The following PDE4D variants were observed in gnomAD, a reference collection of about 807,000 sequenced individuals.
PDE4D encodes the protein phosphodiesterase 4D, also known as 3',5'-cyclic-AMP phosphodiesterase 4D.
PDE4D carries 24 observed loss-of-function variants against 87.4 expected under a neutral mutation model. The observed-to-expected ratio is 0.27, with a 90% CI of 0.20 to 0.39. The LOEUF is 0.39. Ranked by LOEUF, PDE4D falls within the 10% of genes least tolerant of loss-of-function variation. The pLI, the probability that PDE4D is intolerant of heterozygous loss-of-function variation, is 1.00. For missense variants in PDE4D, 714 were observed against 1,041.0 expected (o/e 0.69, Z 4.32); for synonymous variants, 384 against 383.2 (o/e 1.00, Z -0.02).
intron 1 of PDE4D, among the ~76,000 whole-genome samples, chr5:59,223,256 A>G (rs1488667171): frequency 6.6e-6 from 1 of 152,166 alleles, no homozygotes; most frequent in Non-Finnish European, 1.5e-5. Context: ...TCCTACCAGG[A>G]AGTGTGGAAG....
chr5:60,095,831 T>C (rs1353108832), intron 2 of PDE4D, among the ~76,000 whole-genome samples: 1 of 152,234 alleles, frequency 6.6e-6, no homozygotes, highest in East Asian at 1.9e-4. Context: ...TTTGCATTTC[T>C]CTGATGGCCA....
At chr5:60,150,222 A>G (rs536313202) in intron 2 of PDE4D, among the ~76,000 whole-genome samples, 1 of 152,038 alleles carries the variant, frequency 6.6e-6, no homozygotes, top group Admixed American at 6.6e-5. Flanking sequence ...TACAGGGCTG[A>G]AGTAAAATAG....
intron 1 of PDE4D, among the ~76,000 whole-genome samples, chr5:59,459,749 G>C (rs1442087301): frequency 6.6e-6 from 1 of 152,260 alleles, no homozygotes. Context: ...TTTAGTTACG[G>C]AAGGAAGCTA....
intron 2 of PDE4D, among the ~76,000 whole-genome samples, chr5:60,175,598 G>T (rs1783838943): frequency 6.6e-6 from 1 of 152,190 alleles, no homozygotes; most frequent in Non-Finnish European, 1.5e-5. Flanking sequence ...CTTAATATTT[G>T]CTCCCCCTTT....
intron 2 of PDE4D, among the ~76,000 whole-genome samples, chr5:59,200,938 T>C (rs1184459868): frequency 2.0e-5 from 3 of 152,078 alleles, no homozygotes; most frequent in Admixed American, 6.6e-5. Context: ...TATTCAACTG[T>C]ATATCTTGCT....
At chr5:60,469,334 T>TCAGTCAC (rs570805779) in intron 1 of PDE4D, among the ~76,000 whole-genome samples, 53 of 152,240 alleles carry the variant, frequency 3.5e-4, no homozygotes, top group Middle Eastern at 6.8e-3. Context: ...CTACCCAGTC[T>TCAGTCAC]CAGTCACCAG....
At chr5:59,098,123 T>C (rs920959754) in intron 5 of PDE4D, among the ~76,000 whole-genome samples, 1 of 152,212 alleles carries the variant, frequency 6.6e-6, no homozygotes, top group Non-Finnish European at 1.5e-5. Context: ...CCTCCCAATT[T>C]TTGTACTAAA....
At chr5:59,012,980 T>C (rs181981334) in intron 6 of PDE4D, among the ~76,000 whole-genome samples, 1 of 152,070 alleles carries the variant, frequency 6.6e-6, no homozygotes, top group East Asian at 1.9e-4. Flanking sequence ...AAAGTAGAAG[T>C]TGGGATTAAG....
chr5:58,991,867 C>A lies in PDE4D; in HGVS notation c.1153G>T (p.Gly385Ter). 6.4e-7 allele frequency: 1 copy of A among 1,557,020 alleles called. No individual in the cohort carries two copies. Among genetic ancestry groups the A allele is most frequent in the Non-Finnish European group, 8.7e-7 (1 of 1,154,338 alleles). Residue 385 changes from glycine to a stop codon, truncating the protein, a stop_gained, in exon 8 of 15, where the codon GGA (glycine) becomes TGA (stop). Transcript: ENST00000340635. LOFTEE classifies it high-confidence loss of function. ...ACATCTTCTTGTTCAGTTTTAACTCCAAACCTTGGGATACTTGAATTAGTC... is the reference window on the plus strand; with the variant it reads ...ACATCTTCTTGTTCAGTTTTAACTCAAAACCTTGGGATACTTGAATTAGTC... Reference protein sequence around the residue: ...SLTNSSIPRFGVKTEQEDVLA... With the variant: ...SLTNSSIPRF
chr5:59,978,598 A>G (rs570622768), intron 3 of PDE4D, among the ~76,000 whole-genome samples: 1 of 152,338 alleles, frequency 6.6e-6, no homozygotes, highest in African/African-American at 2.4e-5. Flanking sequence ...AATGGCAACA[A>G]AGGATTTAAA....
At chr5:59,138,563 T>C (rs1777463234) in intron 5 of PDE4D, among the ~76,000 whole-genome samples, 1 of 152,210 alleles carries the variant, frequency 6.6e-6, no homozygotes, top group Non-Finnish European at 1.5e-5. Flanking sequence ...TAAGACTTCC[T>C]ACAGAAAGAC....
intron 2 of PDE4D, among the ~76,000 whole-genome samples, chr5:59,207,519 T>G (rs1220897959): frequency 6.6e-6 from 1 of 152,128 alleles, no homozygotes; most frequent in South Asian, 2.1e-4. Context: ...ACTTTCCTTA[T>G]TTTAGTTTAT....
At chr5:60,247,189 G>C (rs1352769960) in intron 1 of PDE4D, among the ~76,000 whole-genome samples, 1 of 151,794 alleles carries the variant, frequency 6.6e-6, no homozygotes, top group African/African-American at 2.4e-5. Context: ...CATATCTCAA[G>C]CCCTTTGTTA....
chr5:60,385,897 C>T (rs1454767908), intron 1 of PDE4D, among the ~76,000 whole-genome samples: 1 of 152,112 alleles, frequency 6.6e-6, no homozygotes, highest in Non-Finnish European at 1.5e-5. Context: ...CCTAGCTGGG[C>T]ACTTCCACCT....
intron 2 of PDE4D, among the ~76,000 whole-genome samples, chr5:60,069,376 T>A (rs1206481569): frequency 6.6e-6 from 1 of 152,180 alleles, no homozygotes; most frequent in Non-Finnish European, 1.5e-5. Flanking sequence ...AGTCCATCAG[T>A]ACCTGTGCCT....
intron 1 of PDE4D, among the ~76,000 whole-genome samples, chr5:59,704,153 T>C (rs1753027410): frequency 6.6e-6 from 1 of 152,176 alleles, no homozygotes; most frequent in Admixed American, 6.5e-5. Context: ...GGAGCACATA[T>C]TTGGGAATTC....
chr5:59,994,409 T>C (rs1583435), intron 2 of PDE4D, among the ~76,000 whole-genome samples: 99,436 of 151,812 alleles, frequency 0.65, 34,192 homozygotes, highest in East Asian at 0.83. Flanking sequence ...TATACATATA[T>C]AGGCATTGCA....
intron 2 of PDE4D, among the ~76,000 whole-genome samples, chr5:60,023,422 C>T (rs908332257): frequency 2.0e-5 from 3 of 152,180 alleles, no homozygotes; most frequent in Non-Finnish European, 4.4e-5. Context: ...CTAGCAATTT[C>T]AGTTGCATTC....
intron 2 of PDE4D, among the ~76,000 whole-genome samples, chr5:60,179,781 GA>G (rs530050055): frequency 6.6e-6 from 1 of 151,754 alleles, no homozygotes; most frequent in Admixed American, 6.6e-5. Flanking sequence ...TTTCAATAGT[GA>G]AAAAAAGCTA....
Sources: gnomAD v4.1 joint callset for allele counts (sites outside exome capture counted in the v4.1 genomes callset) on GRCh38, gnomAD v4.1.1 for gene constraint, MANE v1.5 for transcripts, NCBI Gene and HGNC (gene_info 2026-07-23, HGNC 2026-07-21) for gene names.